CLUH: variants seen among roughly 807,000 people sequenced by gnomAD.
CLUH encodes the protein CLUH binding protein of NUMT mRNA, also known as clustered mitochondria protein homolog.
CLUH carries 77 observed loss-of-function variants against 139.3 expected under a neutral mutation model. The observed-to-expected ratio is 0.55, with a 90% CI of 0.46 to 0.67. CLUH has a LOEUF of 0.67. CLUH is among the 30% of genes least tolerant of loss of function. CLUH has a pLI of 0.00. For synonymous variants in CLUH, 999 were observed against 801.6 expected (o/e 1.25, Z -4.16); for missense variants, 1,876 against 1,875.8 (o/e 1.00, Z 0.00).
intron 9 of CLUH, among the ~76,000 whole-genome samples, chr17:2,699,324 T>C (rs1488113333): frequency 6.6e-6 from 1 of 152,186 alleles, no homozygotes; most frequent in Non-Finnish European, 1.5e-5. Context: ...AGTATAACTA[T>C]GGGAGGTTGG....
chr17:2,702,576 C>T (rs1224954442), intron 3 of CLUH, among the ~76,000 whole-genome samples: 1 of 152,160 alleles, frequency 6.6e-6, no homozygotes, highest in African/African-American at 2.4e-5. Flanking sequence ...TGTTGAGCTA[C>T]AGACCTTTTC....
chr17:2,703,598 C>T lies in CLUH; in HGVS notation c.304-109G>A. Reference sequence around the variant, plus strand: ...GTAGCGGACAGCAAGGACAATATCCCCTTGTCCCCAGCCCAAAGTACCTTG... The same window carrying T: ...GTAGCGGACAGCAAGGACAATATCCTCTTGTCCCCAGCCCAAAGTACCTTG... On this transcript the variant is annotated intron_variant, in intron 2 of 25. Transcript: ENST00000651024. This position sits in a 1 kb window ranked among gnomAD's most constrained non-coding sequence, Gnocchi z 4.2. 9.4e-7 allele frequency: 1 copy of T among 1,067,248 alleles called. No homozygotes were observed. The highest frequency in any genetic ancestry group is 1.4e-6 in the Non-Finnish European group (1 of 732,590). The allele number at this position is 1,067,248 out of a possible 1,614,324, so 66.1% of individuals were successfully genotyped here.
chr17:2,695,978 G>A (rs11654991), intron 13 of CLUH, 181 bp downstream of exon 13: 347,351 of 607,494 alleles, frequency 0.57, 103,230 homozygotes, highest in Admixed American at 0.63. Context: ...GGGCTCAGCA[G>A]GGCCTGTGCC....
chr17:2,701,271 G>C lies in CLUH; in HGVS notation c.900-6C>G, dbSNP rs762814634. Reference sequence around the variant, plus strand: ...TGAAGTGATAAGCTGTGGACCTGCAGGGAGAGGGCGGGCACTGAGCGGGGG... The same window carrying C: ...TGAAGTGATAAGCTGTGGACCTGCACGGAGAGGGCGGGCACTGAGCGGGGG... On this transcript the variant is annotated splice_polypyrimidine_tract_variant and splice_region_variant and intron_variant, in intron 6 of 25. Coordinates refer to ENST00000651024, the MANE Select transcript of CLUH (RefSeq NM_001366661.1). The C allele has an allele frequency of 3.1e-6, 5 of 1,611,230 alleles. No homozygotes were observed. In the East Asian group the frequency reaches 1.1e-4, roughly 36 times the overall value.
chr17:2,704,345 C>G lies in CLUH; in HGVS notation c.303+17G>C. Reference sequence around the variant, plus strand: ...CAGGCTCAGGCCTGGCCCCCAGCACCCGTTCCTCCATCTTACCTGCAGGGA... The same window carrying G: ...CAGGCTCAGGCCTGGCCCCCAGCACGCGTTCCTCCATCTTACCTGCAGGGA... On this transcript the variant is annotated intron_variant, in intron 2 of 25. Coordinates refer to ENST00000651024, the MANE Select transcript of CLUH (RefSeq NM_001366661.1). This position sits in a 1 kb window ranked among gnomAD's most constrained non-coding sequence, Gnocchi z 5.7. The G allele has an allele frequency of 6.2e-7, 1 of 1,605,068 alleles. No homozygotes were observed. The highest frequency in any genetic ancestry group is 8.5e-7 in the Non-Finnish European group (1 of 1,175,806).
At position 2,691,987 on chromosome 17, in the gene CLUH, ACGCCCCCGC is replaced by A; in HGVS notation, c.3654+8_3654+16del. ...CCCCCGCCCCGCCCCCGCCCCCGCC[ACGCCCCCGC>A]CGCGCACCTGCGTCTTGTAGATGGT... On this transcript the variant is annotated splice_region_variant and intron_variant, in intron 23 of 25. Coordinates refer to ENST00000651024, the MANE Select transcript of CLUH (RefSeq NM_001366661.1). The A allele has an allele frequency of 1.2e-6, 1 of 830,946 alleles. No homozygotes were observed. Among genetic ancestry groups the A allele is most frequent in the Non-Finnish European group, 1.5e-6 (1 of 667,558 alleles). 51.5% of individuals were successfully genotyped at this position (830,946 alleles called of 1,614,324 possible).
intron 23 of CLUH, 42 bp downstream of exon 23, chr17:2,691,956 GCCACGC>G (rs764497542): frequency 0.059 from 25,805 of 438,376 alleles, 1,970 homozygotes; most frequent in African/African-American, 0.24. Flanking sequence ...CCCCCGCCCC[GCCACGC>G]CCCCGCCCCG....
In CLUH at chr17:2,704,650, T is replaced by A; in HGVS notation, c.101-86A>T. On this transcript the variant is annotated intron_variant, in intron 1 of 25. Transcript: ENST00000651024. This position sits in a 1 kb window ranked among gnomAD's most constrained non-coding sequence, Gnocchi z 5.7. ...CTGACCCCACACGGGGACACGTGCC[T>A]TCTGGAAAGGCATCTGCATGCCCTC... 2 of 1,311,348 alleles carry A rather than the reference T, an allele frequency of 1.5e-6. No homozygotes were observed. The highest frequency in any genetic ancestry group is 2.9e-5 in the South Asian group (2 of 69,476). The allele number at this position is 1,311,348 out of a possible 1,614,324, so 81.2% of individuals were successfully genotyped here. A position where few individuals can be genotyped will look rare whatever the true frequency, so the allele number is the denominator to read the frequency against.
In CLUH at chr17:2,701,978, G is replaced by C; in HGVS notation, c.555C>G (p.Ala185=). The change falls in exon 4 of 26, where the codon GCC becomes GCG. Residue 185 remains alanine, a synonymous_variant. Transcript: ENST00000651024. ...AGGAGTTGCAGTCAACCCCGTTGAA[G>C]GCATCGGATGGGTCCAGGCTCTTGA... is the stretch of plus-strand genomic sequence containing the variant. ...DLLKSLDPSD[A]FNGVDCNSLS... The C allele has an allele frequency of 1.9e-6, 3 of 1,614,032 alleles. No homozygotes were observed. The East Asian group carries it at 6.7e-5, about 36-fold the overall frequency.
Position 2,692,796 on chromosome 17 carries a change from T to C in CLUH, c.3296A>G (p.Asn1099Ser), listed in dbSNP as rs761434867. The change falls in exon 20 of 26, where the codon AAC (asparagine) becomes AGC (serine). Residue 1099 changes from asparagine to serine, a missense_variant. Asn to Ser is a conservative substitution (Grantham distance 46). Transcript: ENST00000651024. ...SERVMGTEHP[N>S]TIQEYMHLAL... The stretch of plus-strand genomic sequence containing the variant: ...GCGACTCACGTATTCCTGGATGGTG[T>C]TGGGGTGCTCGGTGCCCATCACCCG... 3.8e-5 allele frequency: 61 copies of C among 1,604,974 alleles called. No homozygotes were observed. Among genetic ancestry groups the C allele is most frequent in the Non-Finnish European group, 4.9e-5 (58 of 1,174,212 alleles).
chr17:2,690,714 G>A lies in CLUH; in HGVS notation c.3927C>T (p.Ser1309=). Residue 1309 remains serine, a synonymous_variant, in exon 26 of 26, where the codon AGC becomes AGT. Coordinates refer to ENST00000651024, the MANE Select transcript of CLUH (RefSeq NM_001366661.1). ...GCTCCTCGGCTCTATCCCTGTTTCTGCTGGCCTCCTGGAGCTGGTGCCGCC... is the reference window on the plus strand; with the variant it reads ...GCTCCTCGGCTCTATCCCTGTTTCTACTGGCCTCCTGGAGCTGGTGCCGCC... ...VARRHQLQEA[S]RNRDRAEEPM... is the part of the protein sequence containing the mutation. 2 of 1,559,020 alleles carry A rather than the reference G, an allele frequency of 1.3e-6. No homozygotes were observed. Among genetic ancestry groups the A allele is most frequent in the East Asian group, 2.4e-5 (1 of 41,036 alleles).
rs746666232 is a variant in CLUH, at chr17:2,694,861, C to G, written c.2848G>C (p.Glu950Gln). ...CCGCCCCTGCCCCGCACGCACCACT[C>G]GAGGTCGAAGTCAAAGTAGTTCTTG... ...EAKNYFDFDL[E>Q]CETVDQAVET... Residue 950 changes from glutamate to glutamine, a missense_variant, in exon 16 of 26, where the codon GAG (glutamate) becomes CAG (glutamine). Physicochemically the swap from Glu to Gln is conservative, Grantham distance 29. Around this residue, in one of 3 missense-constraint regions of CLUH, gnomAD observed 1,454 missense variants for 1,384.4 expected, o/e 1.05. Transcript: ENST00000651024. The G allele has an allele frequency of 8.0e-6, 12 of 1,495,212 alleles. No homozygotes were observed. The highest frequency in any genetic ancestry group is 3.9e-5 in the South Asian group (3 of 76,834). 92.6% of individuals were successfully genotyped at this position (1,495,212 alleles called of 1,614,324 possible).
chr17:2,694,050 C>G lies in CLUH; in HGVS notation c.3092-11G>C. On this transcript the variant is annotated splice_polypyrimidine_tract_variant and intron_variant, in intron 18 of 25. Transcript: ENST00000651024. Reference sequence around the variant, plus strand: ...CCTCCTTCAGGAAGCCTGCAGGGCACCCCCAGGGGTGGCAAGGTCAGGACG... The same window carrying G: ...CCTCCTTCAGGAAGCCTGCAGGGCAGCCCCAGGGGTGGCAAGGTCAGGACG... The G allele has an allele frequency of 6.2e-7, 1 of 1,613,824 alleles. No individual in the cohort carries two copies. Among genetic ancestry groups the G allele is most frequent in the Non-Finnish European group, 8.5e-7 (1 of 1,179,790 alleles).
At chr17:2,710,577 G>T (rs2070484346) in intron 1 of CLUH, among the ~76,000 whole-genome samples, 1 of 152,198 alleles carries the variant, frequency 6.6e-6, no homozygotes, top group African/African-American at 2.4e-5. Context: ...CTGCCACCCA[G>T]AGCAAAGAGG....
At chr17:2,696,351 ACCCACCAGCCCCAAGGGCCCAGG>A (rs2069942485) in intron 12 of CLUH, 60 bp downstream of exon 12, 1 of 1,506,620 alleles carries the variant, frequency 6.6e-7, no homozygotes. Flanking sequence ...TGGGGGACAA[ACCCACCAGCCCCAAGGGCCCAGG>A]CCCCCCAGCG....
intron 9 of CLUH, among the ~76,000 whole-genome samples, chr17:2,699,193 G>A (rs190554347): frequency 2.6e-5 from 4 of 152,242 alleles, no homozygotes; most frequent in Non-Finnish European, 4.4e-5. Context: ...TAAAGGTATT[G>A]ACCTTTACAA....
Position 2,691,619 on chromosome 17 carries a change from T to A in CLUH, c.3853A>T (p.Ile1285Phe), listed in dbSNP as rs1597593197. ...GGGCGGAGGCCTCACCTGAGAGGAA[T>A]GAAGAGGATGCCGTTAATGACGTTC... ...QLNVINGILF[I>F]PLSQKDLENL... The change falls in exon 25 of 26, where the codon ATT becomes TTT. Residue 1285 changes from isoleucine (I) to phenylalanine (F), a missense_variant. Ile to Phe is a conservative substitution (Grantham distance 21). Transcript: ENST00000651024. 1 of 1,612,446 alleles carries A rather than the reference T, an allele frequency of 6.2e-7. No individual in the cohort carries two copies. Among genetic ancestry groups the A allele is most frequent in the South Asian group, 1.1e-5 (1 of 90,924 alleles).
At position 2,696,453 on chromosome 17, in the gene CLUH, A is replaced by T; in HGVS notation, c.2271T>A (p.Asn757Lys). 6.3e-7 allele frequency: 1 copy of T among 1,593,238 alleles called. No homozygotes were observed. Among genetic ancestry groups the T allele is most frequent in the Non-Finnish European group, 8.5e-7 (1 of 1,171,334 alleles). The change falls in exon 12 of 26, where the codon AAT becomes AAA. Residue 757 changes from asparagine (N) to lysine (K), a missense_variant. Asn to Lys is a moderately conservative substitution (Grantham distance 94, BLOSUM62 0). This residue lies in a region of CLUH where 1,454 missense variants were observed against 1,384.4 expected (regional missense o/e 1.05). Transcript: ENST00000651024. Reference protein sequence around the residue: ...ISSTAFDIRFNPDIFSPGVRF... With the variant: ...ISSTAFDIRFKPDIFSPGVRF... ...ACCTGCCTGGTGAGAAGATGTCAGG[A>T]TTGAAGCGAATGTCGAAGGCGGTGC...
chr17:2,710,787 A>G (rs1242211944), intron 1 of CLUH, among the ~76,000 whole-genome samples: 2 of 152,166 alleles, frequency 1.3e-5, no homozygotes, highest in Admixed American at 1.3e-4. Flanking sequence ...GCTTGACTCC[A>G]CACTAACGAC....
Sources: allele counts gnomAD v4.1 joint callset (sites outside exome capture counted in the v4.1 genomes callset), GRCh38; gene constraint gnomAD v4.1.1; regional missense constraint gnomAD v4.1.1; non-coding constraint Gnocchi (gnomAD v3.1); transcripts MANE v1.5; gene names NCBI Gene and HGNC (gene_info 2026-07-23, HGNC 2026-07-21).